PRKACB: variants seen among roughly 807,000 people sequenced by gnomAD.
The protein encoded by PRKACB is protein kinase cAMP-activated catalytic subunit beta.
Under a neutral mutation model 51.4 loss-of-function variants are expected in PRKACB, and 16 were observed. The observed-to-expected ratio is 0.31, with a 90% CI of 0.21 to 0.47. The LOEUF (loss-of-function observed/expected upper bound fraction) is 0.47. PRKACB is among the 20% of genes least tolerant of loss of function. PRKACB has a pLI of 1.00. For missense variants in PRKACB, 309 were observed against 464.5 expected (o/e 0.67, Z 3.08); for synonymous variants, 147 against 154.4 (o/e 0.95, Z 0.35).
In PRKACB at chr1:84,196,716, T is replaced by C; in HGVS notation, c.661T>C (p.Leu221=). ...IYRDLKPENL[L]IDHQGYIQVT... ...CAGAGATCTAAAACCTGAAAATCTCTTAATTGACCATCAAGGCTATATCCA... is the reference window on the plus strand; with the variant it reads ...CAGAGATCTAAAACCTGAAAATCTCCTAATTGACCATCAAGGCTATATCCA... The change falls in exon 6 of 10, where the codon TTA becomes CTA. Residue 221 remains leucine, a synonymous_variant. Transcript: ENST00000370685. The C allele has an allele frequency of 1.2e-6, 2 of 1,612,972 alleles. No individual in the cohort carries two copies. Among genetic ancestry groups the C allele is most frequent in the Non-Finnish European group, 1.7e-6 (2 of 1,179,128 alleles).
At chr1:84,191,131 A>G (rs1666663714) in intron 5 of PRKACB, among the ~76,000 whole-genome samples, 1 of 152,026 alleles carries the variant, frequency 6.6e-6, no homozygotes, top group Non-Finnish European at 1.5e-5. Context: ...CTATGAGCTT[A>G]AGTGTGTTTT....
At position 84,182,184 on chromosome 1, in the gene PRKACB, A is replaced by T; in HGVS notation, c.250-16A>T. 6.8e-7 allele frequency: 1 copy of T among 1,479,298 alleles called. No individual in the cohort carries two copies. The allele number at this position is 1,479,298 out of a possible 1,614,324, so 91.6% of individuals were successfully genotyped here. A position where few individuals can be genotyped will look rare whatever the true frequency, so the allele number is the denominator to read the frequency against. ...TTTACGAGAATTTTAAATTTTATTT[A>T]TGTATTTACATATAGAATAATGCCG... is the stretch of plus-strand genomic sequence containing the variant. On this transcript the variant is annotated splice_polypyrimidine_tract_variant and intron_variant, in intron 2 of 9. Transcript: ENST00000370685.
chr1:84,120,176 A>G (rs577794426), intron 1 of PRKACB, among the ~76,000 whole-genome samples: 3 of 152,210 alleles, frequency 2.0e-5, no homozygotes, highest in African/African-American at 7.2e-5. Context: ...TTCTAAATTC[A>G]TATTTCTTGA....
intron 1 of PRKACB, among the ~76,000 whole-genome samples, chr1:84,123,101 C>A (rs1320222759): frequency 6.6e-6 from 1 of 152,092 alleles, no homozygotes; most frequent in South Asian, 2.1e-4. Flanking sequence ...AAAACAGGGT[C>A]AGTTTAAGCA....
intron 1 of PRKACB, among the ~76,000 whole-genome samples, chr1:84,100,361 C>T (rs1412736022): frequency 6.6e-6 from 1 of 151,954 alleles, no homozygotes; most frequent in Admixed American, 6.6e-5. Context: ...CACAGCCAGA[C>T]CATATCAAAT....
chr1:84,116,124 G>A (rs1210556372), intron 1 of PRKACB, among the ~76,000 whole-genome samples: 1 of 152,052 alleles, frequency 6.6e-6, no homozygotes, highest in Admixed American at 6.6e-5. Flanking sequence ...CCCAGTGGAA[G>A]CTCTTGTCAG....
intron 1 of PRKACB, chr1:84,164,888 G>A (rs777718764): frequency 5.5e-6 from 8 of 1,451,502 alleles, no homozygotes; most frequent in South Asian, 1.5e-5. Flanking sequence ...TCTGTGTGCT[G>A]CATGCTCCAG....
At chr1:84,121,021 C>T (rs1439744257) in intron 1 of PRKACB, among the ~76,000 whole-genome samples, 1 of 151,946 alleles carries the variant, frequency 6.6e-6, no homozygotes, top group Non-Finnish European at 1.5e-5. Context: ...CTTTAATGTT[C>T]TTGTACTAGC....
chr1:84,204,574 A>C (rs1671037182), intron 8 of PRKACB: 1 of 1,533,614 alleles, frequency 6.5e-7, no homozygotes, highest in Non-Finnish European at 8.8e-7. Flanking sequence ...TAGACTCTCA[A>C]GAGGACTAAA....
intron 9 of PRKACB, among the ~76,000 whole-genome samples, chr1:84,225,874 C>T (rs1043455380): frequency 2.0e-5 from 3 of 152,170 alleles, no homozygotes; most frequent in African/African-American, 7.2e-5. Flanking sequence ...TGCTTATCTG[C>T]CTCAGATGTT....
At chr1:84,214,941 C>T (rs1672681186) in intron 9 of PRKACB, among the ~76,000 whole-genome samples, 1 of 152,182 alleles carries the variant, frequency 6.6e-6, no homozygotes, top group South Asian at 2.1e-4. Context: ...GTTTTCAAAA[C>T]TGATGTGAAG....
At chr1:84,164,260 C>A in intron 1 of PRKACB, 1 of 1,453,550 alleles carries the variant, frequency 6.9e-7, no homozygotes, top group Admixed American at 2.4e-5. Flanking sequence ...AAGCTATCAG[C>A]GATCTCGGCA....
intron 1 of PRKACB, among the ~76,000 whole-genome samples, chr1:84,171,910 T>C (rs1324107746): frequency 6.6e-6 from 1 of 151,592 alleles, no homozygotes; most frequent in East Asian, 1.9e-4. Flanking sequence ...TTTAAAAATC[T>C]CCCTTTTACA....
intron 1 of PRKACB, among the ~76,000 whole-genome samples, chr1:84,122,273 G>A (rs1017803468): frequency 9.9e-5 from 15 of 152,244 alleles, no homozygotes; most frequent in South Asian, 2.1e-4. Context: ...CTGGTCACCT[G>A]ATAGAAAAAT....
At chr1:84,201,706 G>T (rs755019539) in intron 7 of PRKACB, among the ~76,000 whole-genome samples, 3 of 152,030 alleles carry the variant, frequency 2.0e-5, no homozygotes, top group Admixed American at 2.0e-4. Flanking sequence ...GTGGTGAGTC[G>T]TGATGGTAGA....
chr1:84,235,135 AT>A (rs761570659), intron 9 of PRKACB, 44 bp from the exon 10 acceptor site: 270 of 1,557,830 alleles, frequency 1.7e-4, no homozygotes, highest in Non-Finnish European at 2.1e-4. Flanking sequence ...ACTCTCAGGA[AT>A]TTTTTTTTCC....
Position 84,144,562 on chromosome 1 carries a change from T to C in PRKACB, c.187+14T>C, listed in dbSNP as rs767537188. 7 of 1,547,454 alleles carry C rather than the reference T, an allele frequency of 4.5e-6. No individual in the cohort carries two copies. The South Asian group carries it at 7.5e-5, about 17-fold the overall frequency. ...GGGACAGATCAAGTAAGTTTTGTTT[T>C]TTAAATGATACATTATAACTAGCAA... On this transcript the variant is annotated intron_variant, in intron 1 of 9. Coordinates refer to ENST00000370685, the MANE Select transcript of PRKACB (RefSeq NM_182948.4).
At chr1:84,091,922 C>T (rs1187001525) in intron 1 of PRKACB, among the ~76,000 whole-genome samples, 1 of 152,118 alleles carries the variant, frequency 6.6e-6, no homozygotes, top group Non-Finnish European at 1.5e-5. Context: ...TGTTTTTTCG[C>T]AGTGATATCT....
At chr1:84,078,887 T>A (rs2100728137) in intron 1 of PRKACB, among the ~76,000 whole-genome samples, 1 of 152,200 alleles carries the variant, frequency 6.6e-6, no homozygotes, top group East Asian at 1.9e-4. Flanking sequence ...AGATCCTTCA[T>A]CTCTTCAGAT....
Sources: gnomAD v4.1 joint callset for allele counts (sites outside exome capture counted in the v4.1 genomes callset) on GRCh38, gnomAD v4.1.1 for gene constraint, MANE v1.5 for transcripts, NCBI Gene and HGNC (gene_info 2026-07-23, HGNC 2026-07-21) for gene names.